The following PDZRN4 variants were observed in gnomAD, a reference collection of about 807,000 sequenced individuals.
PDZRN4 encodes the protein PDZ domain-containing RING finger protein 4.
A neutral mutation model predicts 99.0 loss-of-function variants in PDZRN4; 70 were observed. The ratio of observed to expected loss-of-function variants is 0.71; its 90% confidence interval spans 0.58 to 0.86. PDZRN4 has a LOEUF of 0.86. Ranked by LOEUF, PDZRN4 falls within the 40% of genes least tolerant of loss-of-function variation. The pLI is 0.00. For missense variants in PDZRN4, 1,474 were observed against 1,331.2 expected (o/e 1.11, Z -1.67); for synonymous variants, 551 against 501.6 (o/e 1.10, Z -1.32).
chr12:41,339,070 T>C (rs1951796566), intron 3 of PDZRN4, among the ~76,000 whole-genome samples: 1 of 151,440 alleles, frequency 6.6e-6, no homozygotes, highest in South Asian at 2.1e-4. Flanking sequence ...AGAAAAAAAT[T>C]TCCTAAAATT....
chr12:41,551,332 C>G (rs142976272), intron 5 of PDZRN4, among the ~76,000 whole-genome samples: 3 of 152,186 alleles, frequency 2.0e-5, no homozygotes, highest in African/African-American at 4.8e-5. Context: ...AATCACCTAC[C>G]AAAGTCCCCA....
intron 3 of PDZRN4, among the ~76,000 whole-genome samples, chr12:41,203,761 C>T (rs921794076): frequency 3.6e-4 from 55 of 151,960 alleles, no homozygotes; most frequent in African/African-American, 1.3e-3. Flanking sequence ...ATAAGTGATT[C>T]ATGGTAGATA....
At chr12:41,260,069 G>T (rs1406275241) in intron 3 of PDZRN4, among the ~76,000 whole-genome samples, 1 of 152,110 alleles carries the variant, frequency 6.6e-6, no homozygotes, top group East Asian at 1.9e-4. Context: ...TTAGGTTAAT[G>T]AAAATAATCT....
chr12:41,352,398 A>T lies in PDZRN4; in HGVS notation c.844-154058A>T, dbSNP rs181216649. Among the ~76,000 whole-genome samples, 393 of 152,212 alleles carry T rather than the reference A, an allele frequency of 2.6e-3. 6 individuals are homozygous for T. The highest frequency in any genetic ancestry group is 8.7e-4 in the Non-Finnish European group (59 of 68,018). On this transcript the variant is annotated intron_variant, in intron 3 of 9. Coordinates refer to ENST00000402685, the MANE Select transcript of PDZRN4 (RefSeq NM_001164595.2). ...GCCAGTGGCAAGGGAGTAGTGGGTGATTTATTTGGGTGACTGGCAGTTCCT... is the reference window on the plus strand; with the variant it reads ...GCCAGTGGCAAGGGAGTAGTGGGTGTTTTATTTGGGTGACTGGCAGTTCCT...
At chr12:41,518,478 A>G (rs755726437) in intron 5 of PDZRN4, among the ~76,000 whole-genome samples, 1 of 152,040 alleles carries the variant, frequency 6.6e-6, no homozygotes, top group Non-Finnish European at 1.5e-5. Flanking sequence ...TAACTGCTTT[A>G]TGCATAAGTC....
At chr12:41,268,283 T>C (rs1321067378) in intron 3 of PDZRN4, among the ~76,000 whole-genome samples, 1 of 152,202 alleles carries the variant, frequency 6.6e-6, no homozygotes, top group Admixed American at 6.5e-5. Context: ...ATCAAACAGC[T>C]GCCAGACGAG....
At chr12:41,506,947 G>T (rs766465128) in intron 4 of PDZRN4, among the ~76,000 whole-genome samples, 2 of 152,086 alleles carry the variant, frequency 1.3e-5, no homozygotes, top group African/African-American at 2.4e-5. Context: ...CTTGCTAGCT[G>T]CTGTGAAAAA....
chr12:41,263,672 G>A (rs1160009761), intron 3 of PDZRN4, among the ~76,000 whole-genome samples: 3 of 152,140 alleles, frequency 2.0e-5, no homozygotes, highest in Non-Finnish European at 4.4e-5. Flanking sequence ...GGGCAACAGA[G>A]CAAAATTCAG....
At chr12:41,549,225 A>G (rs1232308535) in intron 5 of PDZRN4, among the ~76,000 whole-genome samples, 1 of 152,168 alleles carries the variant, frequency 6.6e-6, no homozygotes, top group East Asian at 1.9e-4. Flanking sequence ...CTTCCAAGTG[A>G]CAGAGGGAAA....
At chr12:41,320,878 C>T (rs1274660030) in intron 3 of PDZRN4, among the ~76,000 whole-genome samples, 1 of 152,048 alleles carries the variant, frequency 6.6e-6, no homozygotes, top group African/African-American at 2.4e-5. Flanking sequence ...ACAAAATTAA[C>T]ACCAGTTATC....
chr12:41,473,951 T>A (rs558998256), intron 3 of PDZRN4, among the ~76,000 whole-genome samples: 12 of 152,328 alleles, frequency 7.9e-5, no homozygotes, highest in Admixed American at 7.2e-4. Flanking sequence ...AAGCCTTGAA[T>A]GGAGATTTGA....
At position 41,572,727 on chromosome 12, in the gene PDZRN4, A is replaced by G; in HGVS notation, c.1948A>G (p.Ser650Gly). 1 of 1,614,178 alleles carries G rather than the reference A, an allele frequency of 6.2e-7. No homozygotes were observed. The highest frequency in any genetic ancestry group is 2.2e-5 in the East Asian group (1 of 44,878). Residue 650 changes from serine to glycine, a missense_variant, in exon 10 of 10, where the codon AGC (serine) becomes GGC (glycine). Physicochemically the swap from Ser to Gly is moderately conservative, Grantham distance 56. Coordinates refer to ENST00000402685, the MANE Select transcript of PDZRN4 (RefSeq NM_001164595.2). ...HGEYDLYYSS[S>G]TIECNQGEQE... ...AGAGTATGACCTGTATTACTCAAGC[A>G]GCACAATTGAATGCAATCAAGGGGA... is the stretch of plus-strand genomic sequence containing the variant.
Position 41,315,187 on chromosome 12 carries a change from T to C in PDZRN4, c.843+120999T>C, listed in dbSNP as rs574980822. 7.2e-5 allele frequency among the ~76,000 whole-genome samples: 11 copies of C among 152,322 alleles called. No individual in the cohort carries two copies. The South Asian group carries it at 1.0e-3, about 14-fold the overall frequency. ...AGGAAACAAGTGAGAAGATATTTCA[T>C]TGTGAAATGACATTTTATGAACTCT... On this transcript the variant is annotated intron_variant, in intron 3 of 9. Transcript: ENST00000402685.
chr12:41,570,886 A>G (rs1052025060), intron 9 of PDZRN4, among the ~76,000 whole-genome samples: 2 of 152,198 alleles, frequency 1.3e-5, no homozygotes, highest in African/African-American at 4.8e-5. Flanking sequence ...AACATGTTCC[A>G]GGGAAAGAAA....
intron 3 of PDZRN4, among the ~76,000 whole-genome samples, chr12:41,301,745 A>G (rs1180972474): frequency 6.7e-6 from 1 of 150,018 alleles, no homozygotes; most frequent in African/African-American, 2.5e-5. Flanking sequence ...TGGCTGGCAG[A>G]ATTTAGGTAT....
chr12:41,402,384 T>A (rs12831106), intron 3 of PDZRN4, among the ~76,000 whole-genome samples: 12 of 12 alleles, frequency 1, 6 homozygotes, highest in Non-Finnish European at 1. Context: ...ACACACACTG[T>A]GTATATATAT....
intron 3 of PDZRN4, among the ~76,000 whole-genome samples, chr12:41,216,905 T>A (rs1013221662): frequency 6.7e-4 from 102 of 152,214 alleles, no homozygotes; most frequent in Admixed American, 1.2e-3. Flanking sequence ...CCTGCCTTAC[T>A]AATGTTCATA....
At chr12:41,497,699 G>T (rs776401876) in intron 3 of PDZRN4, among the ~76,000 whole-genome samples, 1 of 152,144 alleles carries the variant, frequency 6.6e-6, no homozygotes, top group Non-Finnish European at 1.5e-5. Context: ...CAGGATATCA[G>T]GTGATATTCA....
At chr12:41,534,796 T>A (rs1938722300) in intron 5 of PDZRN4, among the ~76,000 whole-genome samples, 1 of 152,218 alleles carries the variant, frequency 6.6e-6, no homozygotes. Context: ...TACTGATCCA[T>A]AATATAAATA....
Sources: allele counts gnomAD v4.1 joint callset (sites outside exome capture counted in the v4.1 genomes callset), GRCh38; gene constraint gnomAD v4.1.1; transcripts MANE v1.5; gene names NCBI Gene and HGNC (gene_info 2026-07-23, HGNC 2026-07-21).